CTNNBIP1: variants seen among roughly 807,000 people sequenced by gnomAD.
The protein encoded by CTNNBIP1 is catenin beta interacting protein 1.
A neutral mutation model predicts 11.8 loss-of-function variants in CTNNBIP1; 7 were observed. The observed-to-expected ratio is 0.60, with a 90% CI of 0.34 to 1.12. CTNNBIP1 has a LOEUF of 1.12. Among genes scored for constraint, CTNNBIP1 ranks in the 50% most tolerant of loss-of-function variants. The pLI, the probability that CTNNBIP1 is intolerant of heterozygous loss-of-function variation, is 0.03. For synonymous variants in CTNNBIP1, 58 were observed against 43.9 expected (o/e 1.32, Z -1.26); for missense variants, 101 against 113.4 (o/e 0.89, Z 0.50).
intron 5 of CTNNBIP1, among the ~76,000 whole-genome samples, chr1:9,852,754 G>A (rs1638418639): frequency 6.6e-6 from 1 of 152,228 alleles, no homozygotes; most frequent in East Asian, 1.9e-4. Flanking sequence ...TGGCAGTGAT[G>A]GTGGCAGCCC....
intron 1 of CTNNBIP1, among the ~76,000 whole-genome samples, chr1:9,891,149 T>C (rs1639292678): frequency 6.7e-6 from 1 of 149,702 alleles, no homozygotes; most frequent in Admixed American, 6.7e-5. Context: ...AGTGCTATTT[T>C]TGGCGGGGGT....
At position 9,887,761 on chromosome 1, in the gene CTNNBIP1, C is replaced by T. The variant is rs548199309; in HGVS notation, c.-143-4023G>A. Among the ~76,000 whole-genome samples, 4 of 152,064 alleles carry T rather than the reference C, an allele frequency of 2.6e-5. No homozygotes were observed. The South Asian group carries it at 8.3e-4, about 32-fold the overall frequency. ...CAGGAAAAAGAAAAACGGCTAGAGT[C>T]CAACCCACTGCCAATCAGAGATTAA... On this transcript the variant is annotated intron_variant, in intron 1 of 5. Coordinates refer to ENST00000377263, the MANE Select transcript of CTNNBIP1 (RefSeq NM_020248.3).
chr1:9,886,963 T>C (rs1003521921), intron 1 of CTNNBIP1, among the ~76,000 whole-genome samples: 2 of 152,142 alleles, frequency 1.3e-5, no homozygotes, highest in African/African-American at 4.8e-5. Flanking sequence ...ACAGCCACGC[T>C]CGGTATTCCC....
In CTNNBIP1 at chr1:9,850,865, C is replaced by T. The variant is rs1638368607; in HGVS notation, c.188-89G>A. ...CAAGGAGGCTGCGGCCAAGCTGGAG[C>T]CCCCGCCCACCAGGATCGCGGCACT... On this transcript the variant is annotated intron_variant, in intron 5 of 5. Transcript: ENST00000377263. 9 of 1,190,230 alleles carry T rather than the reference C, an allele frequency of 7.6e-6. 1 individual carries two copies. The South Asian group carries it at 9.7e-5, about 13-fold the overall frequency. The allele number at this position is 1,190,230 out of a possible 1,614,324, so 73.7% of individuals were successfully genotyped here.
At chr1:9,904,634 G>A (rs1639584106) in intron 1 of CTNNBIP1, among the ~76,000 whole-genome samples, 1 of 152,098 alleles carries the variant, frequency 6.6e-6, no homozygotes, top group Non-Finnish European at 1.5e-5. Flanking sequence ...GTGGGGGTAG[G>A]AAAGCTGTCC....
At chr1:9,889,801 T>A (rs1639263971) in intron 1 of CTNNBIP1, among the ~76,000 whole-genome samples, 2 of 152,204 alleles carry the variant, frequency 1.3e-5, no homozygotes, top group Admixed American at 1.3e-4. Flanking sequence ...TTAAATGTAA[T>A]CCTCACGTAA....
chr1:9,892,585 T>C (rs1471757643), intron 1 of CTNNBIP1, among the ~76,000 whole-genome samples: 1 of 146,102 alleles, frequency 6.8e-6, no homozygotes, highest in Non-Finnish European at 1.5e-5. Context: ...AGAGCGAGAC[T>C]GTCTCAAAAA....
intron 1 of CTNNBIP1, among the ~76,000 whole-genome samples, chr1:9,908,680 T>C (rs1347743282): frequency 6.6e-6 from 1 of 152,224 alleles, no homozygotes; most frequent in African/African-American, 2.4e-5. Flanking sequence ...TTATATGTAA[T>C]CTGGCCCCTC....
chr1:9,891,947 G>A (rs1451109707), intron 1 of CTNNBIP1, among the ~76,000 whole-genome samples: 4 of 151,994 alleles, frequency 2.6e-5, no homozygotes, highest in African/African-American at 7.2e-5. Context: ...GACTACAGGT[G>A]CGTGCCACCA....
chr1:9,864,207 G>T (rs1454035658), intron 5 of CTNNBIP1, among the ~76,000 whole-genome samples: 1 of 152,240 alleles, frequency 6.6e-6, no homozygotes, highest in Non-Finnish European at 1.5e-5. Flanking sequence ...GAGACAAGAA[G>T]GGTGGCAGCA....
intron 5 of CTNNBIP1, among the ~76,000 whole-genome samples, chr1:9,866,532 C>T (rs1638749306): frequency 6.6e-6 from 1 of 151,884 alleles, no homozygotes; most frequent in South Asian, 2.1e-4. Flanking sequence ...CGTCTCTAAT[C>T]AGCTGGGTGT....
intron 5 of CTNNBIP1, among the ~76,000 whole-genome samples, chr1:9,853,124 G>T (rs1209030908): frequency 6.6e-6 from 1 of 152,156 alleles, no homozygotes; most frequent in African/African-American, 2.4e-5. Context: ...CATTTATAGA[G>T]CCTCCCACTG....
At position 9,855,337 on chromosome 1, in the gene CTNNBIP1, A is replaced by G. The variant is rs1332129608; in HGVS notation, c.188-4561T>C. ...AGGGAAGGGACCCAGAATATCCAACACCACCTTGAAAAAGAAGAAGTTGGA... is the reference window on the plus strand; with the variant it reads ...AGGGAAGGGACCCAGAATATCCAACGCCACCTTGAAAAAGAAGAAGTTGGA... On this transcript the variant is annotated intron_variant, in intron 5 of 5. Coordinates refer to ENST00000377263, the MANE Select transcript of CTNNBIP1 (RefSeq NM_020248.3). 2.0e-5 allele frequency among the ~76,000 whole-genome samples: 3 copies of G among 150,984 alleles called. No homozygotes were observed. The East Asian group carries it at 5.8e-4, about 29-fold the overall frequency.
chr1:9,885,226 C>T (rs907084190), intron 1 of CTNNBIP1, among the ~76,000 whole-genome samples: 9 of 152,056 alleles, frequency 5.9e-5, no homozygotes, highest in African/African-American at 9.7e-5. Flanking sequence ...TGACGGCTCC[C>T]GGGTTTTCAG....
At chr1:9,882,081 G>A (rs1639094030) in intron 2 of CTNNBIP1, among the ~76,000 whole-genome samples, 1 of 152,204 alleles carries the variant, frequency 6.6e-6, no homozygotes, top group Non-Finnish European at 1.5e-5. Context: ...AGCCAGCATA[G>A]GAAGTGGCAG....
chr1:9,893,542 A>G (rs1302056247), intron 1 of CTNNBIP1, among the ~76,000 whole-genome samples: 4 of 152,192 alleles, frequency 2.6e-5, no homozygotes, highest in Non-Finnish European at 5.9e-5. Flanking sequence ...AGGAGTCTTT[A>G]CAAGCCCATA....
At chr1:9,873,843 T>C (rs984299334) in intron 3 of CTNNBIP1, among the ~76,000 whole-genome samples, 7 of 152,254 alleles carry the variant, frequency 4.6e-5, no homozygotes, top group African/African-American at 1.2e-4. Flanking sequence ...TTAGCAATCC[T>C]CCCAACTCAG....
chr1:9,887,504 C>A (rs1163252337), intron 1 of CTNNBIP1, among the ~76,000 whole-genome samples: 1 of 152,060 alleles, frequency 6.6e-6, no homozygotes, highest in Non-Finnish European at 1.5e-5. Context: ...ATCAGGAGGT[C>A]AAGAGATCGC....
chr1:9,873,549 CA>C (rs112366947), intron 3 of CTNNBIP1, among the ~76,000 whole-genome samples: 12,918 of 152,122 alleles, frequency 0.085, 1,854 homozygotes, highest in African/African-American at 0.29. Context: ...GGAGCACTGC[CA>C]ATCTGGAGCT....
Sources: gnomAD v4.1 joint callset for allele counts (sites outside exome capture counted in the v4.1 genomes callset) on GRCh38, gnomAD v4.1.1 for gene constraint, MANE v1.5 for transcripts, NCBI Gene and HGNC (gene_info 2026-07-23, HGNC 2026-07-21) for gene names.